Variants in SLC18A1 observed in about 807,000 individuals in gnomAD.
The protein encoded by SLC18A1 is solute carrier family 18 member A1.
In SLC18A1, 69 loss-of-function variants were observed where a neutral mutation model predicts 53.7. That is an observed-to-expected ratio of 1.28 (90% CI 1.06 to 1.57). The LOEUF (loss-of-function observed/expected upper bound fraction) is 1.57. Ranked by LOEUF, SLC18A1 falls within the 40% of genes most tolerant of loss-of-function variation. The probability of loss-of-function intolerance (pLI) is 0.00; values close to 1 mark genes in which losing one functional copy is unlikely to be tolerated. For missense variants in SLC18A1, 932 were observed against 668.1 expected, an observed-to-expected ratio of 1.40 and a Z score of -4.35; for synonymous variants, 320 against 248.1, an observed-to-expected ratio of 1.29 and a Z score of -2.72.
rs72376505 is a variant in SLC18A1, at chr8:20,173,895, CTTT to C, written c.631+463_631+465del. Among the ~76,000 whole-genome samples the C allele has an allele frequency of 7.8e-3, 1,059 of 135,612 alleles. 12 individuals are homozygous for C. Among genetic ancestry groups the C allele is most frequent in the African/African-American group, 0.028 (963 of 34,888 alleles). 89.0% of individuals were successfully genotyped at this position (135,612 alleles called of 152,430 possible). Reference sequence around the variant, plus strand: ...CTGTTAGAAACTCTGTAATTCCTTTCTTTTTTTTTTTTTTTTTTTGAGTTAGGG... The same window carrying C: ...CTGTTAGAAACTCTGTAATTCCTTTCTTTTTTTTTTTTTTTTGAGTTAGGG... On this transcript the variant is annotated intron_variant, in intron 5 of 15. Transcript: ENST00000276373.
rs200123466 is a variant in SLC18A1, at chr8:20,159,634, C to CAAAAAAAAA, written c.1015+5226_1015+5234dup. Among the ~76,000 whole-genome samples, 176 of 81,446 alleles carry CAAAAAAAAA rather than the reference C, an allele frequency of 2.2e-3. 4 individuals are homozygous for CAAAAAAAAA. The highest frequency in any genetic ancestry group is 3.0e-3 in the Non-Finnish European group (107 of 35,592). 53.4% of individuals were successfully genotyped at this position (81,446 alleles called of 152,430 possible). Reference sequence around the variant, plus strand: ...TCACTCTATTAAATCTTGCAGCTGCCAAAAAAAAAAAAAAAAAAAAAAAAA... The same window carrying CAAAAAAAAA: ...TCACTCTATTAAATCTTGCAGCTGCCAAAAAAAAAAAAAAAAAAAAAAAAAAAAAAAAAA... On this transcript the variant is annotated intron_variant, in intron 10 of 15. Transcript: ENST00000276373.
chr8:20,150,439 A>T (rs7812462), intron 11 of SLC18A1, among the ~76,000 whole-genome samples: 3,281 of 152,286 alleles, frequency 0.022, 132 homozygotes, highest in African/African-American at 0.076. Flanking sequence ...CCCCTCATGT[A>T]TCCACTGCCT....
At position 20,174,399 on chromosome 8, in the gene SLC18A1, G is replaced by T; in HGVS notation, c.593C>A (p.Thr198Asn). ...GTYTLLFVAR[T>N]LQGIGSSFSS... ...AAATGAAGATCCAATGCCTTGAAGG[G>T]TTCGGGCCACAAAGAGTAGAGTATA... Residue 198 changes from threonine to asparagine, a missense_variant, in exon 5 of 16, where the codon ACC (threonine) becomes AAC (asparagine). Coordinates refer to ENST00000276373, the MANE Select transcript of SLC18A1 (RefSeq NM_003053.4). 1 of 1,614,050 alleles carries T rather than the reference G, an allele frequency of 6.2e-7. No homozygotes were observed. Among genetic ancestry groups the T allele is most frequent in the Non-Finnish European group, 8.5e-7 (1 of 1,179,950 alleles).
intron 10 of SLC18A1, among the ~76,000 whole-genome samples, chr8:20,152,841 C>T (rs1563728826): frequency 6.6e-6 from 1 of 151,980 alleles, no homozygotes; most frequent in African/African-American, 2.4e-5. Flanking sequence ...GAGATGGAAT[C>T]GAGAAGAGGA....
Position 20,145,772 on chromosome 8 carries a change from A to C in SLC18A1, c.1569T>G (p.His523Gln). ...LGEDSDEEPD[H>Q]EE ...GGAGCACCTTCTGCTGCTACTCCTCATGGTCAGGCTCCTCATCACTGTCCT... is the reference window on the plus strand; with the variant it reads ...GGAGCACCTTCTGCTGCTACTCCTCCTGGTCAGGCTCCTCATCACTGTCCT... The change falls in exon 16 of 16, where the codon CAT becomes CAG. Residue 523 changes from histidine to glutamine, a missense_variant. Transcript: ENST00000276373. 6.2e-7 allele frequency: 1 copy of C among 1,605,304 alleles called. No homozygotes were observed. Among genetic ancestry groups the C allele is most frequent in the Non-Finnish European group, 8.5e-7 (1 of 1,175,164 alleles).
At chr8:20,178,627 G>T in intron 3 of SLC18A1, 134 bp from the exon 4 acceptor site, 1 of 676,602 alleles carries the variant, frequency 1.5e-6, no homozygotes, top group Non-Finnish European at 2.6e-6. Flanking sequence ...TGAATGTAGT[G>T]TGGAGATGAA....
intron 10 of SLC18A1, among the ~76,000 whole-genome samples, chr8:20,156,486 A>G (rs1036454795): frequency 1.3e-5 from 2 of 152,180 alleles, no homozygotes; most frequent in African/African-American, 4.8e-5. Context: ...TGACTGAGGG[A>G]AAAAACCGTA....
Position 20,172,275 on chromosome 8 carries a change from G to C in SLC18A1, c.724+761C>G, listed in dbSNP as rs370406960. Among the ~76,000 whole-genome samples, 5 of 152,344 alleles carry C rather than the reference G, an allele frequency of 3.3e-5. No individual in the cohort carries two copies. The East Asian group carries it at 5.8e-4, about 18-fold the overall frequency. On this transcript the variant is annotated intron_variant, in intron 6 of 15. Transcript: ENST00000276373. Reference sequence around the variant, plus strand: ...TTTCAAGATGCACAGGGTTTAGCTTGGGCATTTGGGTTGATGGATACTAGC... The same window carrying C: ...TTTCAAGATGCACAGGGTTTAGCTTCGGCATTTGGGTTGATGGATACTAGC...
At chr8:20,156,670 C>T (rs1339632377) in intron 10 of SLC18A1, among the ~76,000 whole-genome samples, 1 of 152,154 alleles carries the variant, frequency 6.6e-6, no homozygotes, top group East Asian at 1.9e-4. Flanking sequence ...AGGAAAAAGG[C>T]ACACAGGATA....
chr8:20,162,500 A>G (rs1390368443), intron 10 of SLC18A1, among the ~76,000 whole-genome samples: 5 of 152,194 alleles, frequency 3.3e-5, no homozygotes, highest in African/African-American at 1.2e-4. Context: ...ATGTCACTAT[A>G]TATGCAGTTA....
chr8:20,173,658 C>T (rs1045850224), intron 5 of SLC18A1, among the ~76,000 whole-genome samples: 21 of 152,122 alleles, frequency 1.4e-4, no homozygotes, highest in African/African-American at 5.1e-4. Context: ...TTATATTCAC[C>T]AGTACTTTGA....
intron 11 of SLC18A1, 93 bp downstream of exon 11, chr8:20,150,573 C>G (rs1375973981): frequency 8.9e-7 from 1 of 1,128,048 alleles, no homozygotes; most frequent in African/African-American, 1.5e-5. Context: ...AAACTTTCAA[C>G]CGTATGGAAG....
chr8:20,166,332 C>CAT (rs2071964078), intron 8 of SLC18A1, among the ~76,000 whole-genome samples: 1 of 90,592 alleles, frequency 1.1e-5, no homozygotes, highest in Non-Finnish European at 2.0e-5. Flanking sequence ...TATATATATA[C>CAT]ACCACCAGGT....
At position 20,161,883 on chromosome 8, in the gene SLC18A1, G is replaced by A. The variant is rs564953958; in HGVS notation, c.1015+2986C>T. On this transcript the variant is annotated intron_variant, in intron 10 of 15. Coordinates refer to ENST00000276373, the MANE Select transcript of SLC18A1 (RefSeq NM_003053.4). ...GTCTACCCAGCAGCAATCATGGGTTGGAGTCTTGTGCTTGCAGGCCACCAT... is the reference window on the plus strand; with the variant it reads ...GTCTACCCAGCAGCAATCATGGGTTAGAGTCTTGTGCTTGCAGGCCACCAT... Among the ~76,000 whole-genome samples the A allele has an allele frequency of 2.6e-5, 4 of 152,262 alleles. No individual in the cohort carries two copies. In the East Asian group the frequency reaches 5.8e-4, roughly 22 times the overall value.
Position 20,180,905 on chromosome 8 carries a change from C to T in SLC18A1, c.60G>A (p.Arg20=), listed in dbSNP as rs754512705. Reference sequence around the variant, plus strand: ...CGAATACCACCACCAGCACCAGCTGCCGGGACGCTCTCCCCTCCTTCAGCA... The same window carrying T: ...CGAATACCACCACCAGCACCAGCTGTCGGGACGCTCTCCCCTCCTTCAGCA... ...QRLLKEGRAS[R]QLVLVVVFVA... is the part of the protein sequence containing the mutation. Residue 20 remains arginine, a synonymous_variant, in exon 2 of 16, where the codon CGG becomes CGA. Transcript: ENST00000276373. 2 of 1,612,380 alleles carry T rather than the reference C, an allele frequency of 1.2e-6. No homozygotes were observed. Among genetic ancestry groups the T allele is most frequent in the Non-Finnish European group, 1.7e-6 (2 of 1,179,198 alleles).
intron 10 of SLC18A1, 111 bp from the exon 11 acceptor site, chr8:20,150,855 C>A: frequency 3.1e-6 from 3 of 967,940 alleles, no homozygotes; most frequent in Non-Finnish European, 4.9e-6. Flanking sequence ...GATCCCCAAA[C>A]CACTTTGTTT....
intron 5 of SLC18A1, among the ~76,000 whole-genome samples, 169 bp from the exon 6 acceptor site, chr8:20,173,297 A>G (rs1251239758): frequency 6.6e-6 from 1 of 152,166 alleles, no homozygotes; most frequent in East Asian, 1.9e-4. Context: ...TACCCTCCCT[A>G]GTCCCCCAAG....
At chr8:20,177,238 C>A (rs927028147) in intron 4 of SLC18A1, among the ~76,000 whole-genome samples, 1 of 152,202 alleles carries the variant, frequency 6.6e-6, no homozygotes, top group Non-Finnish European at 1.5e-5. Context: ...CAGAGACAAC[C>A]TCACATCTCA....
At chr8:20,157,830 T>C (rs1202583331) in intron 10 of SLC18A1, among the ~76,000 whole-genome samples, 1 of 152,158 alleles carries the variant, frequency 6.6e-6, no homozygotes, top group East Asian at 1.9e-4. Context: ...GGCCACCCCT[T>C]TAGCCATGTC....
Sources: gnomAD v4.1 joint callset for allele counts (sites outside exome capture counted in the v4.1 genomes callset) on GRCh38, gnomAD v4.1.1 for gene constraint, MANE v1.5 for transcripts, NCBI Gene and HGNC (gene_info 2026-07-23, HGNC 2026-07-21) for gene names.